CPM: variants seen among roughly 807,000 people sequenced by gnomAD.
The protein encoded by CPM is renal carboxypeptidase.
In CPM, 35 loss-of-function variants were observed where a neutral mutation model predicts 46.4. The observed-to-expected ratio is 0.75, with a 90% confidence interval of 0.58 to 1.00. The LOEUF (loss-of-function observed/expected upper bound fraction) is 1.00. Ranked by LOEUF, CPM falls within the 50% of genes least tolerant of loss-of-function variation. The pLI is 0.00. For synonymous variants in CPM, 195 were observed against 195.3 expected (o/e 1.00, Z 0.01); for missense variants, 422 against 530.4 (o/e 0.80, Z 2.01).
In CPM at chr12:68,855,737, G is replaced by GTTT; in HGVS notation, c.*697_*699dup. 7.0e-6 allele frequency: 1 copy of GTTT among 142,116 alleles called. No individual in the cohort carries two copies. Among genetic ancestry groups the GTTT allele is most frequent in the African/African-American group, 2.9e-5 (1 of 34,022 alleles). 8.8% of individuals were successfully genotyped at this position (142,116 alleles called of 1,614,324 possible). The stretch of plus-strand genomic sequence containing the variant: ...GGTGAGGTGTTTTTTTTGTTTGTTT[G>GTTT]TTTTTGTTTTTTTTTTTTTGAGACA... On this transcript the variant is annotated 3_prime_UTR_variant, in exon 9 of 9. Transcript: ENST00000551568.
intron 3 of CPM, among the ~76,000 whole-genome samples, chr12:68,873,456 A>G (rs894305868): frequency 1.8e-4 from 28 of 152,172 alleles, no homozygotes; most frequent in Admixed American, 4.6e-4. Flanking sequence ...GGCGGAGCCC[A>G]GGAGTTTGAG....
chr12:68,871,993 T>G (rs778393977), intron 3 of CPM, 37 bp from the exon 4 acceptor site: 2 of 1,609,552 alleles, frequency 1.2e-6, no homozygotes, highest in Non-Finnish European at 1.7e-6. Flanking sequence ...CATTATTAGG[T>G]CAGAGGCAAT....
At chr12:68,898,475 TAGC>T (rs1886977694) in intron 2 of CPM, among the ~76,000 whole-genome samples, 1 of 152,174 alleles carries the variant, frequency 6.6e-6, no homozygotes, top group African/African-American at 2.4e-5. Flanking sequence ...TAGCTCCCAA[TAGC>T]AGGAGAGGCC....
intron 1 of CPM, among the ~76,000 whole-genome samples, chr12:68,954,008 C>CT (rs1287880552): frequency 3.9e-5 from 6 of 152,086 alleles, no homozygotes; most frequent in South Asian, 2.1e-4. Flanking sequence ...TTTTGTTAGG[C>CT]TTTTTTTACA....
At chr12:68,878,632 G>C (rs1886058534) in intron 3 of CPM, among the ~76,000 whole-genome samples, 1 of 152,122 alleles carries the variant, frequency 6.6e-6, no homozygotes, top group Non-Finnish European at 1.5e-5. Flanking sequence ...AAAACTCCCA[G>C]TCTCTGAATT....
intron 1 of CPM, among the ~76,000 whole-genome samples, chr12:68,943,369 T>C (rs1565808149): frequency 1.3e-5 from 2 of 152,230 alleles, no homozygotes; most frequent in Admixed American, 6.5e-5. Context: ...AAATGCTTTA[T>C]AAGTCCCAAG....
At chr12:68,872,946 G>C (rs917222896) in intron 3 of CPM, among the ~76,000 whole-genome samples, 1 of 152,126 alleles carries the variant, frequency 6.6e-6, no homozygotes, top group Admixed American at 6.5e-5. Context: ...GCCTGTGAGA[G>C]AACTTGCTTT....
rs11177389 is a variant in CPM at position 68,843,452 on chromosome 12, T to G, written c.534-1123A>C. On this transcript the variant is annotated intron_variant, in intron 5 of 5. Transcript: ENST00000551897. Reference sequence around the variant, plus strand: ...AGTACATACACCATATTTACAATTATGTATTTAACATTTAAAATTTCTAAT... The same window carrying G: ...AGTACATACACCATATTTACAATTAGGTATTTAACATTTAAAATTTCTAAT... 2,280 of 228,738 alleles carry G rather than the reference T, an allele frequency of 1.0e-2. 17 individuals carry two copies. Among genetic ancestry groups the G allele is most frequent in the Non-Finnish European group, 0.016 (1,832 of 115,334 alleles). 14.2% of individuals were successfully genotyped at this position (228,738 alleles called of 1,614,324 possible).
chr12:68,907,276 T>C (rs574529601), intron 2 of CPM, among the ~76,000 whole-genome samples: 1 of 152,340 alleles, frequency 6.6e-6, no homozygotes, highest in African/African-American at 2.4e-5. Flanking sequence ...GTTGCTGAAA[T>C]AGCCAATTTG....
intron 2 of CPM, among the ~76,000 whole-genome samples, chr12:68,915,011 A>G (rs1271550443): frequency 1.3e-5 from 2 of 152,204 alleles, no homozygotes; most frequent in Non-Finnish European, 2.9e-5. Context: ...TCAATAAAGT[A>G]TACAACTTTT....
intron 6 of CPM, 100 bp downstream of exon 6, chr12:68,869,225 G>A: frequency 9.9e-7 from 1 of 1,014,200 alleles, no homozygotes; most frequent in Non-Finnish European, 1.5e-6. Context: ...AGGGCCTATT[G>A]TGCCTAAAGT....
intron 1 of CPM, among the ~76,000 whole-genome samples, chr12:68,956,356 G>A (rs1308865130): frequency 6.6e-6 from 1 of 152,176 alleles, no homozygotes; most frequent in African/African-American, 2.4e-5. Context: ...CTGGGCAGCT[G>A]CAGCTGCACC....
chr12:68,959,455 C>T (rs544681494), intron 1 of CPM, among the ~76,000 whole-genome samples: 5 of 152,174 alleles, frequency 3.3e-5, no homozygotes, highest in Middle Eastern at 3.4e-3. Context: ...TCTTGTACTA[C>T]GCTGTTAATT....
chr12:68,866,858 T>G (rs1048297868), intron 7 of CPM, 38 bp downstream of exon 7: 3 of 1,569,724 alleles, frequency 1.9e-6, no homozygotes, highest in Non-Finnish European at 2.6e-6. Flanking sequence ...ATGCTCTATT[T>G]TGTATTAATA....
At chr12:68,917,795 A>T (rs1000053632) in intron 2 of CPM, among the ~76,000 whole-genome samples, 1 of 152,230 alleles carries the variant, frequency 6.6e-6, no homozygotes, top group Non-Finnish European at 1.5e-5. Context: ...ACATAGCTAC[A>T]CGACCAGCTC....
intron 2 of CPM, among the ~76,000 whole-genome samples, chr12:68,886,495 G>A (rs1401499403): frequency 6.6e-6 from 1 of 152,154 alleles, no homozygotes; most frequent in African/African-American, 2.4e-5. Context: ...AGCCGGGCGT[G>A]GTGGCGGGCG....
chr12:68,872,041 G>C, intron 3 of CPM, 85 bp from the exon 4 acceptor site: 2 of 1,373,910 alleles, frequency 1.5e-6, no homozygotes, highest in South Asian at 2.5e-5. Flanking sequence ...TCCCCAATAG[G>C]GGTCTCTACA....
intron 3 of CPM, among the ~76,000 whole-genome samples, chr12:68,880,030 G>GC (rs1351384148): frequency 6.6e-6 from 1 of 152,004 alleles, no homozygotes; most frequent in East Asian, 1.9e-4. Context: ...CTGTTCCCAG[G>GC]CAATCTGAAT....
Position 68,856,462 on chromosome 12 carries a change from C to A in CPM, c.1307G>T (p.Ser436Ile). 6.2e-7 allele frequency: 1 copy of A among 1,613,988 alleles called. No homozygotes were observed. The highest frequency in any genetic ancestry group is 8.5e-7 in the Non-Finnish European group (1 of 1,179,976). Residue 436 changes from serine (S) to isoleucine (I), a missense_variant, in exon 9 of 9, where the codon AGT becomes ATT. By Grantham distance (142) the Ser-to-Ile change is moderately radical. Transcript: ENST00000551568. ...TTATTTGAAGAATATGTGCAAAAGA[C>A]TCACTAAAAATAAGAACAAACTAGG... is the stretch of plus-strand genomic sequence containing the variant. ...TKPSLFLFLV[S>I]LLHIFFK
Sources: allele counts gnomAD v4.1 joint callset (sites outside exome capture counted in the v4.1 genomes callset), GRCh38; gene constraint gnomAD v4.1.1; transcripts MANE v1.5; gene names NCBI Gene and HGNC (gene_info 2026-07-23, HGNC 2026-07-21).